LRRIQ1: variants seen among roughly 807,000 people sequenced by gnomAD.
LRRIQ1 encodes the protein leucine-rich repeat- and IQ domain-containing protein 1.
In LRRIQ1, 210 loss-of-function variants were observed where a neutral mutation model predicts 211.9. That is an observed-to-expected ratio of 0.99 (90% CI 0.89 to 1.11). The LOEUF is 1.11. LRRIQ1 is among the 50% of genes most tolerant of loss of function. The probability of loss-of-function intolerance (pLI) is 0.00; values close to 1 mark genes in which losing one functional copy is unlikely to be tolerated. For missense variants in LRRIQ1, 2,136 were observed against 1,939.5 expected (o/e 1.10, Z -1.90); for synonymous variants, 699 against 650.1 (o/e 1.08, Z -1.14).
Position 85,055,708 on chromosome 12 carries a change from A to G in LRRIQ1, c.915A>G (p.Pro305=), listed in dbSNP as rs745696611. 2.5e-6 allele frequency: 4 copies of G among 1,608,322 alleles called. No homozygotes were observed. The South Asian group carries it at 4.5e-5, about 18-fold the overall frequency. ...TTGTTGCCTATCAAAAATATGGCCC[A>G]ATTATTAAAGAGCAAATTGAAAGTA... ...KAFVAYQKYG[P]IIKEQIESKK... is the part of the protein sequence containing the mutation. Residue 305 remains proline (P), a synonymous_variant, in exon 8 of 27, where the codon CCA becomes CCG. Coordinates refer to ENST00000393217, the MANE Select transcript of LRRIQ1 (RefSeq NM_001079910.2).
chr12:85,051,717 ACTGAT>A (rs1880344531), intron 6 of LRRIQ1, among the ~76,000 whole-genome samples: 1 of 152,150 alleles, frequency 6.6e-6, no homozygotes, highest in Non-Finnish European at 1.5e-5. Context: ...GTTGTATTTT[ACTGAT>A]CTGTTTATTC....
At chr12:85,113,211 T>C (rs1420961348) in intron 15 of LRRIQ1, among the ~76,000 whole-genome samples, 1 of 152,146 alleles carries the variant, frequency 6.6e-6, no homozygotes, top group South Asian at 2.1e-4. Flanking sequence ...AGAATTACCA[T>C]TTATATCTTG....
downstream of LRRIQ1, among the ~76,000 whole-genome samples, chr12:85,269,214 T>C (rs1425790677): frequency 6.6e-6 from 1 of 151,982 alleles, no homozygotes; most frequent in African/African-American, 2.4e-5. Context: ...TCAACTACCC[T>C]GATACCTGTC....
At position 85,200,921 on chromosome 12, in the gene LRRIQ1, G is replaced by A. The variant is rs374917377; in HGVS notation, c.4823-28596G>A. 2.0e-5 allele frequency among the ~76,000 whole-genome samples: 3 copies of A among 152,030 alleles called. No individual in the cohort carries two copies. The East Asian group carries it at 5.8e-4, about 29-fold the overall frequency. ...TGCAACCTTCACCTCCTGGGTTCCAGCGATCTTCATGCCTCAGCCTCCCGA... is the reference window on the plus strand; with the variant it reads ...TGCAACCTTCACCTCCTGGGTTCCAACGATCTTCATGCCTCAGCCTCCCGA... On this transcript the variant is annotated intron_variant, in intron 24 of 26. Transcript: ENST00000393217.
chr12:85,071,093 T>A (rs1883031741), intron 10 of LRRIQ1, among the ~76,000 whole-genome samples: 1 of 151,942 alleles, frequency 6.6e-6, no homozygotes. Flanking sequence ...AGATTCATGA[T>A]TCCAAGATGA....
At chr12:85,042,240 C>CCTAAT (rs746385799) in intron 3 of LRRIQ1, among the ~76,000 whole-genome samples, 2 of 151,424 alleles carry the variant, frequency 1.3e-5, no homozygotes, top group South Asian at 2.1e-4. Flanking sequence ...ATAACTCTAA[C>CCTAAT]CTAATCTAAT....
intron 24 of LRRIQ1, among the ~76,000 whole-genome samples, chr12:85,221,165 T>C (rs1894385605): frequency 6.6e-6 from 1 of 152,100 alleles, no homozygotes; most frequent in African/African-American, 2.4e-5. Context: ...CCCAATCTAA[T>C]CTTGACCTTC....
intron 24 of LRRIQ1, among the ~76,000 whole-genome samples, chr12:85,174,522 C>T (rs1342364898): frequency 4.0e-5 from 6 of 150,406 alleles, no homozygotes; most frequent in Admixed American, 2.0e-4. Flanking sequence ...TGGCAAAACC[C>T]TGTCTCTACT....
chr12:85,094,552 C>T (rs1392598225), intron 11 of LRRIQ1, among the ~76,000 whole-genome samples: 2 of 151,910 alleles, frequency 1.3e-5, no homozygotes, highest in Non-Finnish European at 2.9e-5. Flanking sequence ...AGTGTGATAC[C>T]TCTGACTTTC....
chr12:85,208,748 A>G (rs1466685509), intron 24 of LRRIQ1, among the ~76,000 whole-genome samples: 3 of 152,182 alleles, frequency 2.0e-5, no homozygotes, highest in Non-Finnish European at 4.4e-5. Flanking sequence ...AAGTGAACCC[A>G]TTCTATTGTT....
chr12:85,162,733 G>A (rs1453598389), intron 24 of LRRIQ1: 1 of 455,924 alleles, frequency 2.2e-6, no homozygotes, highest in Non-Finnish European at 4.4e-6. Context: ...ACGATGTGAT[G>A]TTCTATGATT....
At chr12:85,061,620 T>A (rs1219735802) in intron 8 of LRRIQ1, among the ~76,000 whole-genome samples, 1 of 151,804 alleles carries the variant, frequency 6.6e-6, no homozygotes, top group Non-Finnish European at 1.5e-5. Context: ...TAAATTATAA[T>A]GTTGAGTAGC....
intron 19 of LRRIQ1, among the ~76,000 whole-genome samples, chr12:85,148,227 T>A (rs1890019871): frequency 6.6e-6 from 1 of 151,788 alleles, no homozygotes; most frequent in Non-Finnish European, 1.5e-5. Flanking sequence ...ACATGCAGAT[T>A]TGTTACATAG....
intron 11 of LRRIQ1, among the ~76,000 whole-genome samples, chr12:85,097,953 A>G (rs1000870990): frequency 6.6e-6 from 1 of 152,186 alleles, no homozygotes; most frequent in African/African-American, 2.4e-5. Flanking sequence ...GGAAAATGAC[A>G]TTCTAATACT....
chr12:85,153,978 T>G (rs1427173763), intron 22 of LRRIQ1, 34 bp from the exon 23 acceptor site: 1 of 1,367,818 alleles, frequency 7.3e-7, no homozygotes, highest in Non-Finnish European at 9.9e-7. Flanking sequence ...TCCGGGTATT[T>G]GTTTTACCTT....
intron 24 of LRRIQ1, among the ~76,000 whole-genome samples, chr12:85,215,080 A>C (rs1894013135): frequency 6.6e-6 from 1 of 152,172 alleles, no homozygotes; most frequent in African/African-American, 2.4e-5. Flanking sequence ...AACAAGTGAT[A>C]ATCTCATTTG....
At chr12:85,121,372 T>C (rs576538301) in intron 15 of LRRIQ1, among the ~76,000 whole-genome samples, 1 of 152,318 alleles carries the variant, frequency 6.6e-6, no homozygotes, top group African/African-American at 2.4e-5. Context: ...GTTTATCTAA[T>C]ATTATTATTC....
chr12:85,190,227 G>T (rs1354851213), intron 24 of LRRIQ1, among the ~76,000 whole-genome samples: 2 of 142,944 alleles, frequency 1.4e-5, no homozygotes, highest in Admixed American at 1.4e-4. Context: ...ATTTTATAAT[G>T]ATATATTAAT....
At position 85,154,048 on chromosome 12, in the gene LRRIQ1, G is replaced by T; in HGVS notation, c.4674G>T (p.Leu1558Phe). 6.4e-7 allele frequency: 1 copy of T among 1,571,588 alleles called. No individual in the cohort carries two copies. Among genetic ancestry groups the T allele is most frequent in the Non-Finnish European group, 8.6e-7 (1 of 1,158,614 alleles). The part of the protein sequence containing the change: ...FKDISTAQQM[L>F]KRAQKMKSKK... ...ATATTTCTACTGCTCAGCAAATGTT[G>T]AAGAGGGCACAGAAAATGAAATCGA... The change falls in exon 23 of 27, where the codon TTG becomes TTT. Residue 1558 changes from leucine to phenylalanine, a missense_variant. Coordinates refer to ENST00000393217, the MANE Select transcript of LRRIQ1 (RefSeq NM_001079910.2).
Sources: allele counts gnomAD v4.1 joint callset (sites outside exome capture counted in the v4.1 genomes callset), GRCh38; gene constraint gnomAD v4.1.1; transcripts MANE v1.5; gene names NCBI Gene and HGNC (gene_info 2026-07-23, HGNC 2026-07-21).